PDZRN4: variants seen among roughly 807,000 people sequenced by gnomAD.
The protein encoded by PDZRN4 is PDZ domain-containing RING finger protein 4.
A neutral mutation model predicts 99.0 loss-of-function variants in PDZRN4; 70 were observed. The observed-to-expected ratio is 0.71, with a 90% CI of 0.58 to 0.86. The LOEUF is 0.86. Among genes scored for constraint, PDZRN4 ranks in the 40% least tolerant of loss-of-function variants. The probability of loss-of-function intolerance (pLI) is 0.00; values close to 1 mark genes in which losing one functional copy is unlikely to be tolerated. For missense variants in PDZRN4, 1,474 were observed against 1,331.2 expected (o/e 1.11, Z -1.67); for synonymous variants, 551 against 501.6 (o/e 1.10, Z -1.32).
Position 41,369,496 on chromosome 12 carries a change from C to A in PDZRN4, c.844-136960C>A, listed in dbSNP as rs573010166. ...GTTTGCACTTAACATTGTATCAATTCTCTTTTTAATTTTCATTTCATTAAT... is the reference window on the plus strand; with the variant it reads ...GTTTGCACTTAACATTGTATCAATTATCTTTTTAATTTTCATTTCATTAAT... On this transcript the variant is annotated intron_variant, in intron 3 of 9. Coordinates refer to ENST00000402685, the MANE Select transcript of PDZRN4 (RefSeq NM_001164595.2). 3.3e-5 allele frequency among the ~76,000 whole-genome samples: 5 copies of A among 152,048 alleles called. No individual in the cohort carries two copies. In the East Asian group the frequency reaches 7.8e-4, roughly 24 times the overall value.
intron 3 of PDZRN4, among the ~76,000 whole-genome samples, chr12:41,458,909 G>C (rs1315542976): frequency 1.3e-5 from 2 of 152,124 alleles, no homozygotes; most frequent in Admixed American, 1.3e-4. Context: ...AGAAGTTTCC[G>C]ATGTTTCAGA....
At chr12:41,222,444 G>A (rs561758169) in intron 3 of PDZRN4, among the ~76,000 whole-genome samples, 9 of 152,158 alleles carry the variant, frequency 5.9e-5, no homozygotes, top group Admixed American at 2.6e-4. Flanking sequence ...AACTCATTTC[G>A]TATAAAATGA....
chr12:41,524,747 T>C (rs1056951753), intron 5 of PDZRN4, among the ~76,000 whole-genome samples: 1 of 152,160 alleles, frequency 6.6e-6, no homozygotes, highest in African/African-American at 2.4e-5. Flanking sequence ...TTTTATTTTA[T>C]TTTAATTTCT....
intron 3 of PDZRN4, among the ~76,000 whole-genome samples, chr12:41,461,195 G>A (rs1466328406): frequency 1.5e-5 from 2 of 134,228 alleles, no homozygotes; most frequent in East Asian, 4.0e-4. Flanking sequence ...TGCTGCATGA[G>A]TATTACTTTC....
chr12:41,571,621 T>C (rs1307218236), intron 9 of PDZRN4, among the ~76,000 whole-genome samples: 1 of 152,110 alleles, frequency 6.6e-6, no homozygotes, highest in African/African-American at 2.4e-5. Context: ...AACATTGTTG[T>C]TGCTTTTGAG....
chr12:41,246,650 A>C (rs1445209238), intron 3 of PDZRN4, among the ~76,000 whole-genome samples: 1 of 152,184 alleles, frequency 6.6e-6, no homozygotes, highest in Non-Finnish European at 1.5e-5. Context: ...TGACATCACA[A>C]CCAATTTTCC....
At chr12:41,295,548 A>G (rs1951486861) in intron 3 of PDZRN4, among the ~76,000 whole-genome samples, 1 of 152,180 alleles carries the variant, frequency 6.6e-6, no homozygotes, top group African/African-American at 2.4e-5. Context: ...TTAAACAGTC[A>G]AAAACTCCAT....
chr12:41,448,332 C>T (rs977297482), intron 3 of PDZRN4, among the ~76,000 whole-genome samples: 1 of 152,110 alleles, frequency 6.6e-6, no homozygotes, highest in Non-Finnish European at 1.5e-5. Flanking sequence ...GTGCCTTTCC[C>T]ACCTCTCCTT....
chr12:41,488,002 C>G (rs943784447), intron 3 of PDZRN4, among the ~76,000 whole-genome samples: 1 of 152,180 alleles, frequency 6.6e-6, no homozygotes, highest in East Asian at 1.9e-4. Context: ...AATGAGTCTG[C>G]TGTGTTTCTT....
At chr12:41,376,077 T>C (rs1364741601) in intron 3 of PDZRN4, among the ~76,000 whole-genome samples, 7 of 152,188 alleles carry the variant, frequency 4.6e-5, no homozygotes. Context: ...CAGGATTTCC[T>C]TATTTTTTTC....
chr12:41,273,714 A>T (rs565915912), intron 3 of PDZRN4, among the ~76,000 whole-genome samples: 3 of 152,268 alleles, frequency 2.0e-5, no homozygotes, highest in African/African-American at 7.2e-5. Flanking sequence ...ATGACTGAAC[A>T]TAAAATCTTA....
chr12:41,428,652 T>TAGCAAGAGTG (rs1180849268), intron 3 of PDZRN4, among the ~76,000 whole-genome samples: 4 of 152,172 alleles, frequency 2.6e-5, no homozygotes, highest in Non-Finnish European at 5.9e-5. Context: ...GTGTGTATGA[T>TAGCAAGAGTG]AGCAAGAGTG....
intron 4 of PDZRN4, among the ~76,000 whole-genome samples, chr12:41,508,621 G>T (rs571013838): frequency 4.0e-4 from 61 of 152,260 alleles, no homozygotes; most frequent in Non-Finnish European, 7.4e-4. Context: ...GAGCCCAAAA[G>T]GGCTATGCGG....
At chr12:41,394,649 A>C (rs1298545391) in intron 3 of PDZRN4, among the ~76,000 whole-genome samples, 1 of 152,084 alleles carries the variant, frequency 6.6e-6, no homozygotes, top group Non-Finnish European at 1.5e-5. Flanking sequence ...ACAGTCACTC[A>C]TGTGGTTGTT....
chr12:41,555,000 A>T (rs574271399), intron 6 of PDZRN4, among the ~76,000 whole-genome samples: 1 of 149,340 alleles, frequency 6.7e-6, no homozygotes, highest in Non-Finnish European at 1.5e-5. Flanking sequence ...CAAGGTCAGG[A>T]GATCAAGACC....
chr12:41,278,658 A>G (rs915709932), intron 3 of PDZRN4, among the ~76,000 whole-genome samples: 2 of 152,222 alleles, frequency 1.3e-5, no homozygotes, highest in Non-Finnish European at 2.9e-5. Context: ...TCCCTACCTC[A>G]TTCAAAGTTA....
At chr12:41,219,909 T>G (rs1950942949) in intron 3 of PDZRN4, among the ~76,000 whole-genome samples, 1 of 152,130 alleles carries the variant, frequency 6.6e-6, no homozygotes, top group South Asian at 2.1e-4. Flanking sequence ...TGGCGACTCT[T>G]CTGTGTCAGT....
intron 3 of PDZRN4, among the ~76,000 whole-genome samples, chr12:41,416,745 T>G (rs1016293432): frequency 2.0e-5 from 3 of 152,196 alleles, no homozygotes; most frequent in African/African-American, 7.2e-5. Flanking sequence ...CACAGGCGGT[T>G]GCTACAAGGA....
chr12:41,229,606 C>T (rs1350358038), intron 3 of PDZRN4, among the ~76,000 whole-genome samples: 1 of 152,096 alleles, frequency 6.6e-6, no homozygotes, highest in African/African-American at 2.4e-5. Context: ...CTGGTATCTG[C>T]TTTCCTTGAG....
Sources: allele counts gnomAD v4.1 joint callset (sites outside exome capture counted in the v4.1 genomes callset), GRCh38; gene constraint gnomAD v4.1.1; transcripts MANE v1.5; gene names NCBI Gene and HGNC (gene_info 2026-07-23, HGNC 2026-07-21).